The following COMMD1 variants were observed in gnomAD, a reference collection of about 807,000 sequenced individuals.
COMMD1 encodes the protein COMM domain-containing protein 1.
Under a neutral mutation model 17.2 loss-of-function variants are expected in COMMD1, and 10 were observed. The ratio of observed to expected loss-of-function variants is 0.58; its 90% CI spans 0.36 to 0.99. The LOEUF (loss-of-function observed/expected upper bound fraction) is 0.99. Ranked by LOEUF, COMMD1 falls within the 50% of genes least tolerant of loss-of-function variation. COMMD1 has a pLI of 0.01. For synonymous variants in COMMD1, 97 were observed against 91.6 expected (o/e 1.06, Z -0.34); for missense variants, 270 against 231.8 (o/e 1.17, Z -1.07).
chr2:61,925,597 C>T (rs189676263), intron 1 of COMMD1, among the ~76,000 whole-genome samples: 199 of 152,204 alleles, frequency 1.3e-3, no homozygotes, highest in Non-Finnish European at 2.5e-3. Flanking sequence ...GTGAAGTCTG[C>T]TGGCTTCACC....
chr2:61,918,143 A>G (rs548637010), intron 1 of COMMD1, among the ~76,000 whole-genome samples: 57 of 152,358 alleles, frequency 3.7e-4, no homozygotes, highest in African/African-American at 1.4e-3. Flanking sequence ...AAAATGCTCA[A>G]AAGTTGGCTA....
At chr2:61,914,049 G>A (rs1413455544) in intron 1 of COMMD1, among the ~76,000 whole-genome samples, 1 of 150,010 alleles carries the variant, frequency 6.7e-6, no homozygotes, top group Non-Finnish European at 1.5e-5. Context: ...GTGGGAGCCT[G>A]TAGTCCCAGC....
rs1450742116 is a variant in COMMD1 at position 61,939,739 on chromosome 2, TA to T, written c.180+33889del. On this transcript the variant is annotated intron_variant, in intron 1 of 2. Coordinates refer to ENST00000311832, the MANE Select transcript of COMMD1 (RefSeq NM_152516.4). ...AAATGCTCTAAACTATAAATAACTA[TA>T]AAAAAAATTTTTTGGACCGTTCTTT... Among the ~76,000 whole-genome samples, 5 of 152,078 alleles carry T rather than the reference TA, an allele frequency of 3.3e-5. No homozygotes were observed. The East Asian group carries it at 7.7e-4, about 23-fold the overall frequency.
At chr2:61,988,047 A>G (rs1672151295) in intron 1 of COMMD1, among the ~76,000 whole-genome samples, 1 of 151,764 alleles carries the variant, frequency 6.6e-6, no homozygotes, top group Non-Finnish European at 1.5e-5. Flanking sequence ...TCTGCAACTC[A>G]CCCTTCCTGG....
chr2:62,097,087 G>T (rs1274950950), intron 2 of COMMD1, among the ~76,000 whole-genome samples: 1 of 152,194 alleles, frequency 6.6e-6, no homozygotes, highest in East Asian at 1.9e-4. Context: ...CAGAGAAGTG[G>T]CTGGCAGTGA....
intron 1 of COMMD1, among the ~76,000 whole-genome samples, chr2:61,936,949 T>C (rs1670621201): frequency 6.6e-6 from 1 of 152,136 alleles, no homozygotes; most frequent in Non-Finnish European, 1.5e-5. Context: ...AATATATCAG[T>C]CAATACGTGT....
At chr2:62,068,387 C>G (rs1193981224) in intron 2 of COMMD1, among the ~76,000 whole-genome samples, 1 of 152,042 alleles carries the variant, frequency 6.6e-6, no homozygotes, top group Non-Finnish European at 1.5e-5. Flanking sequence ...AATAAGAAAG[C>G]AGAAAATGTT....
At chr2:61,987,189 C>A (rs1049526615) in intron 1 of COMMD1, among the ~76,000 whole-genome samples, 3 of 152,068 alleles carry the variant, frequency 2.0e-5, no homozygotes, top group Non-Finnish European at 4.4e-5. Flanking sequence ...TTCCCCGGAG[C>A]TTTATTTAGT....
intron 2 of COMMD1, chr2:62,070,128 A>G (rs990500580): frequency 6.6e-6 from 1 of 152,212 alleles, no homozygotes; most frequent in African/African-American, 2.4e-5. Flanking sequence ...GGATCCCTTA[A>G]GCCTCCTTCA....
At chr2:61,963,014 G>T (rs1671399362) in intron 1 of COMMD1, among the ~76,000 whole-genome samples, 1 of 151,696 alleles carries the variant, frequency 6.6e-6, no homozygotes, top group South Asian at 2.1e-4. Context: ...TACAAAATTA[G>T]CTGGGTGTGG....
intron 1 of COMMD1, among the ~76,000 whole-genome samples, chr2:61,929,090 G>C (rs1456041652): frequency 6.6e-6 from 1 of 152,208 alleles, no homozygotes; most frequent in South Asian, 2.1e-4. Context: ...CAGTTCATTG[G>C]TGGAGATGCC....
In COMMD1 at chr2:62,051,344, C is replaced by G. The variant is rs947639384; in HGVS notation, c.462+50362C>G. ...TAAACCATACATAGTTCTTTAATCT[C>G]AACTCATAATTTGTAGAAAGCATCG... On this transcript the variant is annotated intron_variant, in intron 2 of 2. Coordinates refer to ENST00000311832, the MANE Select transcript of COMMD1 (RefSeq NM_152516.4). Among the ~76,000 whole-genome samples, 7 of 152,086 alleles carry G rather than the reference C, an allele frequency of 4.6e-5. No homozygotes were observed. In the East Asian group the frequency reaches 1.3e-3, roughly 29 times the overall value.
chr2:62,004,308 A>G (rs953817212), intron 2 of COMMD1, among the ~76,000 whole-genome samples: 1 of 151,950 alleles, frequency 6.6e-6, no homozygotes, highest in Non-Finnish European at 1.5e-5. Context: ...AATCCTTTTT[A>G]TTTGTTTTTT....
chr2:61,936,789 C>G, intron 1 of COMMD1, among the ~76,000 whole-genome samples: 1 of 152,106 alleles, frequency 6.6e-6, no homozygotes, highest in East Asian at 1.9e-4. Context: ...CAGATATGAA[C>G]CCAAAATATG....
intron 2 of COMMD1, chr2:62,084,720 A>G (rs1017249466): frequency 6.6e-6 from 1 of 152,212 alleles, no homozygotes; most frequent in East Asian, 1.9e-4. Flanking sequence ...TTATTTTTAT[A>G]ACATGTCTAG....
intron 1 of COMMD1, among the ~76,000 whole-genome samples, chr2:61,899,981 A>G (rs1669625817): frequency 6.6e-6 from 1 of 152,144 alleles, no homozygotes; most frequent in Admixed American, 6.6e-5. Flanking sequence ...CTGTATTTTC[A>G]CTTGCTTCTA....
chr2:61,927,194 ACAT>A (rs1423004954), intron 1 of COMMD1, among the ~76,000 whole-genome samples: 1 of 152,340 alleles, frequency 6.6e-6, no homozygotes, highest in Admixed American at 6.5e-5. Context: ...TGACTACTTA[ACAT>A]CAGGTTACTT....
chr2:62,031,830 A>G (rs546786287), intron 2 of COMMD1, among the ~76,000 whole-genome samples: 1 of 152,326 alleles, frequency 6.6e-6, no homozygotes, highest in South Asian at 2.1e-4. Context: ...GTGGGATTCC[A>G]GTGATCTTTA....
At chr2:62,095,127 G>T (rs1183502945) in intron 2 of COMMD1, among the ~76,000 whole-genome samples, 4 of 152,176 alleles carry the variant, frequency 2.6e-5, no homozygotes, top group Admixed American at 6.5e-5. Context: ...AAATGGTAAT[G>T]AAGACACCTG....
Sources: gnomAD v4.1 joint callset for allele counts (sites outside exome capture counted in the v4.1 genomes callset) on GRCh38, gnomAD v4.1.1 for gene constraint, MANE v1.5 for transcripts, NCBI Gene and HGNC (gene_info 2026-07-23, HGNC 2026-07-21) for gene names.